TNR: variants seen among roughly 807,000 people sequenced by gnomAD.
The protein encoded by TNR is tenascin-R.
Under a neutral mutation model 150.4 loss-of-function variants are expected in TNR, and 45 were observed. That is an observed-to-expected ratio of 0.30 (90% CI 0.24 to 0.38). The LOEUF (loss-of-function observed/expected upper bound fraction) is 0.38. TNR is among the 10% of genes least tolerant of loss of function. TNR has a pLI of 1.00. For synonymous variants in TNR, 687 were observed against 678.4 expected (o/e 1.01, Z -0.20); for missense variants, 1,544 against 1,759.1 (o/e 0.88, Z 2.19).
chr1:175,736,551 G>A (rs773992746), intron 1 of TNR, among the ~76,000 whole-genome samples: 3 of 151,896 alleles, frequency 2.0e-5, no homozygotes, highest in Admixed American at 6.6e-5. Context: ...ATCTCTATAG[G>A]CTTTTCGGGG....
chr1:175,413,176 C>A (rs1271431989), intron 2 of TNR, among the ~76,000 whole-genome samples: 1 of 152,220 alleles, frequency 6.6e-6, no homozygotes, highest in Non-Finnish European at 1.5e-5. Context: ...TAGGCGTGTG[C>A]CACCATGCCC....
At chr1:175,440,388 G>T (rs549968699) in intron 2 of TNR, among the ~76,000 whole-genome samples, 6 of 149,708 alleles carry the variant, frequency 4.0e-5, no homozygotes, top group South Asian at 2.1e-4. Flanking sequence ...GGTGGCGGGT[G>T]GGGGGAGGGA....
intron 1 of TNR, among the ~76,000 whole-genome samples, chr1:175,623,732 T>C (rs1664053556): frequency 1.3e-5 from 2 of 152,324 alleles, no homozygotes; most frequent in Middle Eastern, 6.8e-3. Context: ...CAGCAGAGGA[T>C]TAGAGTGAGC....
At chr1:175,503,354 T>C (rs1257380032) in intron 2 of TNR, among the ~76,000 whole-genome samples, 3 of 152,222 alleles carry the variant, frequency 2.0e-5, no homozygotes, top group African/African-American at 7.2e-5. Flanking sequence ...AATAGCACTA[T>C]TCATATGGAA....
At chr1:175,668,207 G>C (rs2101900936) in intron 1 of TNR, among the ~76,000 whole-genome samples, 1 of 152,304 alleles carries the variant, frequency 6.6e-6, no homozygotes, top group East Asian at 1.9e-4. Context: ...CAAGAAATTT[G>C]CTTGAGGGAA....
In TNR at chr1:175,681,246, A is replaced by T. The variant is rs191246644; in HGVS notation, c.-165+61980T>A. On this transcript the variant is annotated intron_variant, in intron 1 of 22. Coordinates refer to ENST00000367674, the MANE Select transcript of TNR (RefSeq NM_003285.3). The stretch of plus-strand genomic sequence containing the variant: ...AAAGAACAGCTCCCAACAACGCATC[A>T]GTGCAGGAGGCCACGTGAGGAAGCC... Among the ~76,000 whole-genome samples the T allele has an allele frequency of 9.8e-5, 15 of 152,332 alleles. No individual in the cohort carries two copies. In the East Asian group the frequency reaches 2.5e-3, roughly 25 times the overall value.
At chr1:175,543,329 A>G (rs1483942888) in intron 1 of TNR, among the ~76,000 whole-genome samples, 4 of 152,190 alleles carry the variant, frequency 2.6e-5, no homozygotes, top group African/African-American at 9.6e-5. Flanking sequence ...GACAGGTTCT[A>G]GAAAAGGGAG....
chr1:175,391,397 A>T lies in TNR; in HGVS notation c.1398T>A (p.Val466=), dbSNP rs892181316. Residue 466 remains valine (V), a synonymous_variant, in exon 7 of 23, where the codon GTT becomes GTA. Coordinates refer to ENST00000367674, the MANE Select transcript of TNR (RefSeq NM_003285.3). ...GGVIAQVPSD[V]TSFNQTGLKP... Reference sequence around the variant, plus strand: ...TTAGTCCTGTCTGGTTAAAGGACGTAACATCGCTGGGGACCTGAGCAATCA... The same window carrying T: ...TTAGTCCTGTCTGGTTAAAGGACGTTACATCGCTGGGGACCTGAGCAATCA... 6.2e-7 allele frequency: 1 copy of T among 1,614,090 alleles called. No individual in the cohort carries two copies. The highest frequency in any genetic ancestry group is 1.7e-5 in the Admixed American group (1 of 60,006).
intron 2 of TNR, among the ~76,000 whole-genome samples, chr1:175,464,156 A>C (rs779446011): frequency 1.3e-5 from 2 of 152,228 alleles, no homozygotes; most frequent in Non-Finnish European, 2.9e-5. Context: ...CCTTGAACTG[A>C]AAGGGGAATA....
intron 1 of TNR, among the ~76,000 whole-genome samples, chr1:175,591,021 G>T (rs1662776841): frequency 1.3e-5 from 2 of 152,202 alleles, no homozygotes; most frequent in Non-Finnish European, 2.9e-5. Flanking sequence ...TTCCAAGGAA[G>T]GCACAGTCAG....
At chr1:175,392,513 G>A (rs555292310) in intron 6 of TNR, among the ~76,000 whole-genome samples, 6 of 152,160 alleles carry the variant, frequency 3.9e-5, no homozygotes, top group Admixed American at 2.6e-4. Context: ...AGAACCTGGC[G>A]TAATTTTTCT....
chr1:175,401,973 T>A (rs931731403), intron 4 of TNR, among the ~76,000 whole-genome samples: 20 of 152,168 alleles, frequency 1.3e-4, no homozygotes, highest in Admixed American at 9.2e-4. Flanking sequence ...CAGAAGAGGA[T>A]GAGCTATAGT....
intron 2 of TNR, among the ~76,000 whole-genome samples, chr1:175,503,004 G>A (rs1421134712): frequency 6.7e-6 from 1 of 148,222 alleles, no homozygotes; most frequent in East Asian, 1.9e-4. Flanking sequence ...ATCTTGAAAT[G>A]TGGTCAGCAT....
chr1:175,476,528 C>T (rs1386704785), intron 2 of TNR, among the ~76,000 whole-genome samples: 1 of 152,128 alleles, frequency 6.6e-6, no homozygotes, highest in African/African-American at 2.4e-5. Flanking sequence ...TAGAAACCTC[C>T]AAAGGCTAGC....
At chr1:175,716,589 T>C (rs370224770) in intron 1 of TNR, among the ~76,000 whole-genome samples, 7 of 152,300 alleles carry the variant, frequency 4.6e-5, no homozygotes, top group Admixed American at 3.3e-4. Context: ...GATGGCCCCA[T>C]TGTGGAACCA....
intron 1 of TNR, among the ~76,000 whole-genome samples, chr1:175,553,656 C>T (rs1335685186): frequency 1.3e-5 from 2 of 151,850 alleles, no homozygotes; most frequent in Non-Finnish European, 2.9e-5. Context: ...ATTTTTAATT[C>T]AGAAAGAAAG....
intron 1 of TNR, among the ~76,000 whole-genome samples, chr1:175,567,130 C>T (rs1289706128): frequency 6.6e-6 from 1 of 152,140 alleles, no homozygotes; most frequent in South Asian, 2.1e-4. Flanking sequence ...CTGTTCAAGC[C>T]TTGGCATGAA....
In TNR at chr1:175,359,653, C is replaced by A. The variant is rs1241129617; in HGVS notation, c.2933G>T (p.Gly978Val). ...EALLQWKAPV[G>V]EVENYVIVLT... ...AACAATGACGTAGTTCTCCACCTCA[C>A]CCACTGGTGCCTTCCACTGCAGCAG... Residue 978 changes from glycine to valine, a missense_variant, in exon 15 of 23, where the codon GGT becomes GTT. Physicochemically the swap from Gly to Val is moderately radical, Grantham distance 109. Transcript: ENST00000367674. 2.5e-6 allele frequency: 4 copies of A among 1,613,948 alleles called. No homozygotes were observed. Among genetic ancestry groups the A allele is most frequent in the Non-Finnish European group, 3.4e-6 (4 of 1,179,894 alleles).
chr1:175,356,702 G>A (rs1339977187), intron 15 of TNR, among the ~76,000 whole-genome samples: 3 of 151,906 alleles, frequency 2.0e-5, no homozygotes, highest in Non-Finnish European at 4.4e-5. Context: ...ACTTCTATTC[G>A]TGTCTCTGGA....
Sources: gnomAD v4.1 joint callset for allele counts (sites outside exome capture counted in the v4.1 genomes callset) on GRCh38, gnomAD v4.1.1 for gene constraint, MANE v1.5 for transcripts, NCBI Gene and HGNC (gene_info 2026-07-23, HGNC 2026-07-21) for gene names.